CD55: variants seen among roughly 807,000 people sequenced by gnomAD.
CD55 encodes the protein complement decay-accelerating factor.
CD55 carries 41 observed loss-of-function variants against 45.8 expected under a neutral mutation model. The ratio of observed to expected loss-of-function variants is 0.90; its 90% CI spans 0.70 to 1.16. CD55 has a LOEUF of 1.16. Ranked by LOEUF, CD55 falls within the 50% of genes most tolerant of loss-of-function variation. The pLI is 0.00. For synonymous variants in CD55, 181 were observed against 181.1 expected (o/e 1.00, Z 0.01); for missense variants, 416 against 469.8 (o/e 0.89, Z 1.06).
At chr1:207,324,486 G>T in intron 2 of CD55, 73 bp from the exon 3 acceptor site, 1 of 981,912 alleles carries the variant, frequency 1.0e-6, no homozygotes, top group Non-Finnish European at 1.5e-6. Context: ...TTAGGGTCCA[G>T]ATAATTAAAT....
rs1256473001 is a variant in CD55, at chr1:207,347,131, G to GAATTAT, written c.1081+7714_1081+7715insAATTAT. ...AATGTGATTATGTAATTCCTGCTTA[G>GAATTAT]GTTTCTCTCCATGGAAGAGGAGAAG... On this transcript the variant is annotated intron_variant, in intron 9 of 9. Coordinates refer to ENST00000367064, the MANE Select transcript of CD55 (RefSeq NM_000574.5). 4 of 456,234 alleles carry GAATTAT rather than the reference G, an allele frequency of 8.8e-6. No homozygotes were observed. The East Asian group carries it at 2.8e-4, about 32-fold the overall frequency. 28.3% of individuals were successfully genotyped at this position (456,234 alleles called of 1,614,324 possible). A position where few individuals can be genotyped will look rare whatever the true frequency, so the allele number is the denominator to read the frequency against.
At chr1:207,335,300 T>C (rs1655119758) in intron 6 of CD55, among the ~76,000 whole-genome samples, 1 of 152,150 alleles carries the variant, frequency 6.6e-6, no homozygotes, top group Non-Finnish European at 1.5e-5. Flanking sequence ...TTGAATCTAT[T>C]AGGACCGATG....
Position 207,341,617 on chromosome 1 carries a change from C to G in CD55, c.1081+2200C>G, listed in dbSNP as rs577709124. On this transcript the variant is annotated intron_variant, in intron 9 of 9. Coordinates refer to ENST00000367064, the MANE Select transcript of CD55 (RefSeq NM_000574.5). ...TATTCTGTTCCATTATTCTGTGTGC[C>G]TGTTTTTATACCAATACCATGCTGT... Among the ~76,000 whole-genome samples the G allele has an allele frequency of 3.6e-4, 55 of 152,204 alleles. 1 individual carries two copies. The highest frequency in any genetic ancestry group is 6.8e-3 in the Middle Eastern group (2 of 294).
chr1:207,341,743 A>G (rs12737561), intron 9 of CD55, among the ~76,000 whole-genome samples: 3 of 151,328 alleles, frequency 2.0e-5, no homozygotes, highest in Non-Finnish European at 4.4e-5. Context: ...TTTTGGTTCC[A>G]CAATCATTTT....
intron 7 of CD55, 37 bp downstream of exon 7, chr1:207,336,855 C>A: frequency 6.2e-7 from 1 of 1,612,102 alleles, no homozygotes; most frequent in Non-Finnish European, 8.5e-7. Context: ...AAACACACCA[C>A]AGAAAATGTT....
At chr1:207,337,108 C>T in intron 7 of CD55, 2 of 605,038 alleles carry the variant, frequency 3.3e-6, no homozygotes, top group Non-Finnish European at 5.9e-6. Context: ...AGACATCTTT[C>T]ATATCAAAAA....
intron 6 of CD55, among the ~76,000 whole-genome samples, chr1:207,335,484 G>A (rs1426804119): frequency 6.6e-6 from 1 of 152,068 alleles, no homozygotes; most frequent in Non-Finnish European, 1.5e-5. Flanking sequence ...TAACTTCTAG[G>A]AAATTTAAAC....
chr1:207,325,806 G>A (rs998162792), intron 4 of CD55, 85 bp downstream of exon 4: 3 of 728,244 alleles, frequency 4.1e-6, no homozygotes. Context: ...TTTCATGACT[G>A]GTATTCACAG....
At chr1:207,340,294 C>A (rs961136073) in intron 9 of CD55, 3 of 343,264 alleles carry the variant, frequency 8.7e-6, no homozygotes, top group Non-Finnish European at 1.6e-5. Flanking sequence ...AATGACATAA[C>A]TTTATTCTTT....
At chr1:207,347,288 C>T (rs978624491) in intron 9 of CD55, 3 of 445,424 alleles carry the variant, frequency 6.7e-6, no homozygotes, top group Non-Finnish European at 1.4e-5. Context: ...TAGACGGAAT[C>T]TCGCTCTGTC....
rs1447853373 is a variant in CD55, at chr1:207,358,772, C to G, written c.1082-774C>G. ...TTTTTTCTTTGTTGAATGACTAATA[C>G]ATTGAATCTCTCATTACTATGACAT... On this transcript the variant is annotated intron_variant, in intron 9 of 9. Transcript: ENST00000367064. 2.7e-5 allele frequency among the ~76,000 whole-genome samples: 4 copies of G among 148,836 alleles called. No homozygotes were observed. The Middle Eastern group carries it at 0.014, about 506-fold the overall frequency.
chr1:207,328,545 A>G (rs1345428993), intron 5 of CD55, among the ~76,000 whole-genome samples: 1 of 152,246 alleles, frequency 6.6e-6, no homozygotes, highest in Non-Finnish European at 1.5e-5. Flanking sequence ...AGTTATACAG[A>G]AAACAGAGGT....
intron 9 of CD55, chr1:207,358,380 C>A (rs928889099): frequency 6.6e-6 from 1 of 152,076 alleles, no homozygotes; most frequent in African/African-American, 2.4e-5. Flanking sequence ...TGATTTATTT[C>A]TTTTAGAAGA....
intron 5 of CD55, among the ~76,000 whole-genome samples, chr1:207,328,533 A>G (rs1234914934): frequency 1.3e-5 from 2 of 152,232 alleles, no homozygotes; most frequent in African/African-American, 2.4e-5. Flanking sequence ...CTAATTGTCT[A>G]TAGTTATACA....
intron 3 of CD55, 49 bp from the exon 4 acceptor site, chr1:207,325,573 G>A: frequency 8.7e-7 from 1 of 1,146,592 alleles, no homozygotes. Flanking sequence ...TTCTTTGTGT[G>A]TATGCCTGAT....
At chr1:207,346,937 G>T (rs1297175973) in intron 9 of CD55, among the ~76,000 whole-genome samples, 1 of 152,262 alleles carries the variant, frequency 6.6e-6, no homozygotes, top group Admixed American at 6.5e-5. Context: ...AGGGAATGTG[G>T]ACTGCTGGGG....
At chr1:207,346,940 T>G (rs1460145587) in intron 9 of CD55, among the ~76,000 whole-genome samples, 1 of 152,170 alleles carries the variant, frequency 6.6e-6, no homozygotes, top group Non-Finnish European at 1.5e-5. Flanking sequence ...GAATGTGGAC[T>G]GCTGGGGTTC....
intron 9 of CD55, among the ~76,000 whole-genome samples, chr1:207,352,286 C>T (rs1193221329): frequency 6.6e-6 from 1 of 151,694 alleles, no homozygotes; most frequent in East Asian, 1.9e-4. Flanking sequence ...TCTCTTCTCA[C>T]CAAAGACCTT....
chr1:207,348,696 CT>C (rs1339816710), intron 9 of CD55, among the ~76,000 whole-genome samples: 2 of 151,976 alleles, frequency 1.3e-5, no homozygotes, highest in African/African-American at 4.8e-5. Flanking sequence ...AGTTTTTATA[CT>C]TTTAGGTTTT....
Sources: allele counts gnomAD v4.1 joint callset (sites outside exome capture counted in the v4.1 genomes callset), GRCh38; gene constraint gnomAD v4.1.1; transcripts MANE v1.5; gene names NCBI Gene and HGNC (gene_info 2026-07-23, HGNC 2026-07-21).